The following CERS5 variants were observed in gnomAD, a reference collection of about 807,000 sequenced individuals.
CERS5 encodes the protein ceramide synthase 5.
Under a neutral mutation model 58.9 loss-of-function variants are expected in CERS5, and 37 were observed. The observed-to-expected ratio is 0.63, with a 90% CI of 0.48 to 0.83. The LOEUF is 0.83. CERS5 is among the 40% of genes least tolerant of loss of function. CERS5 has a pLI of 0.00. For missense variants in CERS5, 398 were observed against 489.3 expected (o/e 0.81, Z 1.76); for synonymous variants, 147 against 177.8 (o/e 0.83, Z 1.38).
chr12:50,136,680 C>G (rs1951713667), intron 6 of CERS5, among the ~76,000 whole-genome samples: 1 of 152,112 alleles, frequency 6.6e-6, no homozygotes, highest in South Asian at 2.1e-4. Context: ...GTAAGACATA[C>G]AAGCCTTAGA....
rs760968237 is a variant in CERS5, at chr12:50,130,264, A to G, written c.*281T>C. ...GAAGGCCTCATGGCCCCAGTCCACA[A>G]TTGTGCCCCAACCCCGGCAATGAAA... is the stretch of plus-strand genomic sequence containing the variant. On this transcript the variant is annotated 3_prime_UTR_variant, in exon 10 of 10. Coordinates refer to ENST00000317551, the MANE Select transcript of CERS5 (RefSeq NM_147190.5). 5 of 279,548 alleles carry G rather than the reference A, an allele frequency of 1.8e-5. No homozygotes were observed. In the East Asian group the frequency reaches 1.9e-4, roughly 11 times the overall value. 17.3% of individuals were successfully genotyped at this position (279,548 alleles called of 1,614,324 possible).
rs374177550 is a variant in CERS5, at chr12:50,161,784, G to GAAAAAAAAAAAA, written c.197+5305_197+5316dup. On this transcript the variant is annotated intron_variant, in intron 1 of 9. Transcript: ENST00000317551. ...AGAGTGAGACTCCGTCTCAAAAAAAGAAAAAAAAAAAAAAAAGCAAAGTTC... is the reference window on the plus strand; with the variant it reads ...AGAGTGAGACTCCGTCTCAAAAAAAGAAAAAAAAAAAAAAAAAAAAAAAAAAAAGCAAAGTTC... 3.3e-3 allele frequency among the ~76,000 whole-genome samples: 299 copies of GAAAAAAAAAAAA among 90,860 alleles called. 31 individuals are homozygous for GAAAAAAAAAAAA. The highest frequency in any genetic ancestry group is 0.013 in the African/African-American group (284 of 21,656). The allele number at this position is 90,860 out of a possible 152,430, so 59.6% of individuals were successfully genotyped here.
chr12:50,130,764 G>T, intron 9 of CERS5, 70 bp from the exon 10 acceptor site: 2 of 1,425,380 alleles, frequency 1.4e-6, no homozygotes, highest in Non-Finnish European at 1.9e-6. Context: ...CAGAGACCCA[G>T]GTGTGGGCAC....
chr12:50,133,073 G>A, intron 9 of CERS5: 1 of 1,288,832 alleles, frequency 7.8e-7, no homozygotes, highest in South Asian at 1.2e-5. Context: ...ACCTAGTCAG[G>A]AAAGAAAAGC....
At chr12:50,149,001 A>C (rs1952509802) in intron 1 of CERS5, among the ~76,000 whole-genome samples, 1 of 148,200 alleles carries the variant, frequency 6.7e-6, no homozygotes, top group South Asian at 2.1e-4. Context: ...GTATAAATAC[A>C]TGTAGAAAAC....
At position 50,164,868 on chromosome 12, in the gene CERS5, C is replaced by T. The variant is rs76044949; in HGVS notation, c.197+2233G>A. On this transcript the variant is annotated intron_variant, in intron 1 of 9. Transcript: ENST00000317551. ...CAAAACTATTTCCTCTTACCACTAACATGGGGAAATTTCCATATTGGCACA... is the reference window on the plus strand; with the variant it reads ...CAAAACTATTTCCTCTTACCACTAATATGGGGAAATTTCCATATTGGCACA... Among the ~76,000 whole-genome samples, 1,103 of 152,288 alleles carry T rather than the reference C, an allele frequency of 7.2e-3. 13 individuals are homozygous for T. The highest frequency in any genetic ancestry group is 0.025 in the African/African-American group (1,053 of 41,554).
chr12:50,139,109 A>C (rs142279808), intron 4 of CERS5, among the ~76,000 whole-genome samples: 75 of 152,260 alleles, frequency 4.9e-4, no homozygotes, highest in African/African-American at 1.7e-3. Context: ...CCATATTGAT[A>C]ATTCATATTT....
chr12:50,166,920 CCTT>C (rs760243436), intron 1 of CERS5, among the ~76,000 whole-genome samples, 178 bp downstream of exon 1: 1 of 152,230 alleles, frequency 6.6e-6, no homozygotes. Context: ...GCCCCAAACT[CCTT>C]CTCCATCTAG....
intron 3 of CERS5, among the ~76,000 whole-genome samples, chr12:50,142,428 T>G (rs1190909835): frequency 6.6e-6 from 1 of 151,618 alleles, no homozygotes; most frequent in Non-Finnish European, 1.5e-5. Context: ...CGTGCACCTG[T>G]AGTCCCAGCT....
chr12:50,139,517 G>A (rs1053312261), intron 4 of CERS5, among the ~76,000 whole-genome samples: 1 of 151,762 alleles, frequency 6.6e-6, no homozygotes, highest in African/African-American at 2.4e-5. Context: ...AAACAGGCCA[G>A]GCGTGGTGGC....
At chr12:50,153,269 ATTTT>A (rs202197775) in intron 1 of CERS5, among the ~76,000 whole-genome samples, 44 of 93,432 alleles carry the variant, frequency 4.7e-4, no homozygotes, top group African/African-American at 1.7e-3. Context: ...AACTAATATG[ATTTT>A]TTTTTTTTTT....
At chr12:50,139,269 C>T (rs776448087) in intron 4 of CERS5, among the ~76,000 whole-genome samples, 7 of 151,214 alleles carry the variant, frequency 4.6e-5, no homozygotes, top group Non-Finnish European at 8.8e-5. Context: ...TGCTTGAGCC[C>T]AGGAGTTCAA....
rs200655912 is a variant in CERS5, at chr12:50,135,745, T to C, written c.859A>G (p.Ile287Val). The C allele has an allele frequency of 1.2e-4, 187 of 1,611,008 alleles. 2 individuals are homozygous for C. Among genetic ancestry groups the C allele is most frequent in the Non-Finnish European group, 5.1e-6 (6 of 1,177,330 alleles). The change falls in exon 8 of 10, where the codon ATC becomes GTC. Residue 287 changes from isoleucine to valine, a missense_variant. Physicochemically the swap from Ile to Val is conservative, Grantham distance 29. Transcript: ENST00000317551. ...CCTACCACTTACCAGAATGGATAGA[T>C]TCCTAGTCGTGTAACCATAAAAACA... ...SAVFMVTRLG[I>V]YPFWILNTTL... is the part of the protein sequence containing the mutation.
chr12:50,161,784 GAAA>G (rs374177550), intron 1 of CERS5, among the ~76,000 whole-genome samples: 23 of 90,894 alleles, frequency 2.5e-4, no homozygotes, highest in South Asian at 1.6e-3. Flanking sequence ...CTCAAAAAAA[GAAA>G]AAAAAAAAAA....
intron 8 of CERS5, 29 bp from the exon 9 acceptor site, chr12:50,134,731 C>T: frequency 6.3e-7 from 1 of 1,599,010 alleles, no homozygotes; most frequent in South Asian, 1.1e-5. Context: ...TAGTCAGATT[C>T]TAGAGTCAAA....
rs997976306 is a variant in CERS5 at position 50,129,801 on chromosome 12, G to A, written c.*744C>T. 2 of 117,118 alleles carry A rather than the reference G, an allele frequency of 1.7e-5. No individual in the cohort carries two copies. Among genetic ancestry groups the A allele is most frequent in the Non-Finnish European group, 3.4e-5 (2 of 59,224 alleles). 7.3% of individuals were successfully genotyped at this position (117,118 alleles called of 1,614,324 possible). A position where few individuals can be genotyped will look rare whatever the true frequency, so the allele number is the denominator to read the frequency against. ...GAAGAGGTTGAGACAGTAGAGGTGG[G>A]TTGAAGCACTTTTAATCACAAACAA... On this transcript the variant is annotated 3_prime_UTR_variant, in exon 10 of 10. Transcript: ENST00000317551.
intron 1 of CERS5, chr12:50,153,701 T>A: frequency 3.8e-6 from 1 of 262,634 alleles, no homozygotes; most frequent in Non-Finnish European, 7.7e-6. Flanking sequence ...ACGCCTATAA[T>A]CCCAGCACTT....
chr12:50,144,278 G>A, intron 1 of CERS5: 1 of 461,710 alleles, frequency 2.2e-6, no homozygotes. Flanking sequence ...CAAAATGCTG[G>A]GATTACAGGC....
At chr12:50,139,033 T>G (rs1951833082) in intron 4 of CERS5, among the ~76,000 whole-genome samples, 1 of 152,242 alleles carries the variant, frequency 6.6e-6, no homozygotes, top group Non-Finnish European at 1.5e-5. Flanking sequence ...TTCTTATCAT[T>G]AAATTGTTCA....
Sources: gnomAD v4.1 joint callset for allele counts (sites outside exome capture counted in the v4.1 genomes callset) on GRCh38, gnomAD v4.1.1 for gene constraint, MANE v1.5 for transcripts, NCBI Gene and HGNC (gene_info 2026-07-23, HGNC 2026-07-21) for gene names.